The following ATP10D variants were observed in gnomAD, a reference collection of about 807,000 sequenced individuals.
ATP10D encodes phospholipid-transporting ATPase VD.
ATP10D carries 89 observed loss-of-function variants against 144.8 expected under a neutral mutation model. The observed-to-expected ratio is 0.61, with a 90% CI of 0.52 to 0.73. The LOEUF (loss-of-function observed/expected upper bound fraction) is 0.73, where lower values mean the gene tolerates loss of function less well. ATP10D is among the 30% of genes least tolerant of loss of function. The pLI is 0.00. For synonymous variants in ATP10D, 571 were observed against 615.1 expected (o/e 0.93, Z 1.06); for missense variants, 1,603 against 1,714.8 (o/e 0.93, Z 1.15).
At chr4:47,582,580 A>G (rs1269186308) in intron 21 of ATP10D, among the ~76,000 whole-genome samples, 1 of 152,080 alleles carries the variant, frequency 6.6e-6, no homozygotes, top group Non-Finnish European at 1.5e-5. Flanking sequence ...ATTTCCACAT[A>G]TTCGTGGGCT....
At chr4:47,557,598 T>G (rs1298519187) in intron 11 of ATP10D, 66 bp from the exon 12 acceptor site, 8 of 1,426,576 alleles carry the variant, frequency 5.6e-6, no homozygotes, top group Non-Finnish European at 7.4e-6. Context: ...TATTTCCAGT[T>G]TGCCTTCAAA....
intron 5 of ATP10D, among the ~76,000 whole-genome samples, chr4:47,528,150 T>C (rs2109415639): frequency 6.6e-6 from 1 of 152,252 alleles, no homozygotes; most frequent in East Asian, 1.9e-4. Context: ...TACATGGATA[T>C]GTTGTGCAAT....
At chr4:47,529,204 A>G (rs536527749) in intron 5 of ATP10D, among the ~76,000 whole-genome samples, 1 of 152,284 alleles carries the variant, frequency 6.6e-6, no homozygotes, top group Admixed American at 6.5e-5. Context: ...TTAATCATAA[A>G]TTCTTTGGTT....
At chr4:47,563,174 A>G (rs1421268106) in intron 14 of ATP10D, among the ~76,000 whole-genome samples, 1 of 152,204 alleles carries the variant, frequency 6.6e-6, no homozygotes, top group East Asian at 1.9e-4. Context: ...TCACCCCTAC[A>G]CAATATATCA....
chr4:47,578,079 A>T (rs1462582805), intron 19 of ATP10D, among the ~76,000 whole-genome samples: 1 of 152,204 alleles, frequency 6.6e-6, no homozygotes, highest in Non-Finnish European at 1.5e-5. Context: ...GAATCCTCTC[A>T]CCAATCCTTG....
At chr4:47,490,979 C>A (rs1282014260) in intron 1 of ATP10D, 4 of 635,944 alleles carry the variant, frequency 6.3e-6, no homozygotes, top group Non-Finnish European at 1.2e-5. Context: ...TTTGTTAACA[C>A]CTCTGATGCC....
rs771988347 is a variant in ATP10D, at chr4:47,554,715, T to C, written c.1636-11T>C. On this transcript the variant is annotated splice_polypyrimidine_tract_variant and intron_variant, in intron 10 of 22. Coordinates refer to ENST00000273859, the MANE Select transcript of ATP10D (RefSeq NM_020453.4). ...TTCTTATAACAACACACTGTCTTAT[T>C]GGATCTTCAGGAAACAGACGTGGTA... The C allele has an allele frequency of 6.3e-7, 1 of 1,597,984 alleles. No individual in the cohort carries two copies. Among genetic ancestry groups the C allele is most frequent in the Non-Finnish European group, 8.5e-7 (1 of 1,171,328 alleles).
In ATP10D at chr4:47,592,032, C is replaced by G. The variant is rs910075575; in HGVS notation, c.*651C>G. 6.6e-6 allele frequency: 1 copy of G among 152,122 alleles called. No homozygotes were observed. The highest frequency in any genetic ancestry group is 1.5e-5 in the Non-Finnish European group (1 of 67,992). The allele number at this position is 152,122 out of a possible 1,614,324, so 9.4% of individuals were successfully genotyped here. ...ATTTCAATGTTTTCCTGAGGTGGAGCCTTCATTGGAAAGGGGAAAGAGGGA... is the reference window on the plus strand; with the variant it reads ...ATTTCAATGTTTTCCTGAGGTGGAGGCTTCATTGGAAAGGGGAAAGAGGGA... On this transcript the variant is annotated 3_prime_UTR_variant, in exon 23 of 23. Transcript: ENST00000273859.
At chr4:47,493,582 T>A (rs191868872) in intron 1 of ATP10D, among the ~76,000 whole-genome samples, 1 of 152,238 alleles carries the variant, frequency 6.6e-6, no homozygotes, top group Non-Finnish European at 1.5e-5. Context: ...TTTTGACTTA[T>A]GATATTTTCA....
At chr4:47,544,322 T>C (rs529247992) in intron 9 of ATP10D, among the ~76,000 whole-genome samples, 2 of 152,352 alleles carry the variant, frequency 1.3e-5, no homozygotes, top group Non-Finnish European at 1.5e-5. Flanking sequence ...AGAGTCAGTA[T>C]AGCTACAGAG....
intron 16 of ATP10D, among the ~76,000 whole-genome samples, chr4:47,570,565 A>G (rs1184670293): frequency 1.3e-5 from 2 of 152,120 alleles, no homozygotes; most frequent in African/African-American, 4.8e-5. Flanking sequence ...GCACTTTGGG[A>G]GGCTGAGGTG....
At chr4:47,572,843 A>G (rs377514015) in intron 17 of ATP10D, 29 bp from the exon 18 acceptor site, 5 of 1,613,912 alleles carry the variant, frequency 3.1e-6, no homozygotes, top group Admixed American at 3.3e-5. Context: ...ATCACTCAGG[A>G]TGGCATTCTC....
chr4:47,525,439 T>C lies in ATP10D; in HGVS notation c.691-118T>C, dbSNP rs571452797. 2.8e-4 allele frequency: 200 copies of C among 714,628 alleles called. 2 individuals carry two copies. In the Middle Eastern group the frequency reaches 3.0e-3, roughly 11 times the overall value. The allele number at this position is 714,628 out of a possible 1,614,324, so 44.3% of individuals were successfully genotyped here. ...TCCTTCCTTTGGGAAATTCATGATA[T>C]GAACTTCATTGCAAAAAGGCTTAGC... On this transcript the variant is annotated intron_variant, in intron 4 of 22. Transcript: ENST00000273859.
rs1327710692 is a variant in ATP10D, at chr4:47,526,886, C to T, written c.776+1244C>T. Among the ~76,000 whole-genome samples, 3 of 148,550 alleles carry T rather than the reference C, an allele frequency of 2.0e-5. No homozygotes were observed. In the South Asian group the frequency reaches 6.3e-4, roughly 31 times the overall value. On this transcript the variant is annotated intron_variant, in intron 5 of 22. Transcript: ENST00000273859. The stretch of plus-strand genomic sequence containing the variant: ...AGCTACTTAATTGGAAATCAGTTTC[C>T]CCCCAGATTTATCTATAGAGTCAGT...
chr4:47,498,103 C>T (rs1715491093), intron 1 of ATP10D, among the ~76,000 whole-genome samples: 1 of 152,194 alleles, frequency 6.6e-6, no homozygotes, highest in African/African-American at 2.4e-5. Flanking sequence ...CCATTTTCCT[C>T]ATTGGAAAAC....
chr4:47,532,524 C>G (rs190156155), intron 5 of ATP10D, among the ~76,000 whole-genome samples: 1 of 152,300 alleles, frequency 6.6e-6, no homozygotes. Context: ...GAGCTGGCCT[C>G]AGCCATTGGC....
In ATP10D at chr4:47,591,218, G is replaced by A. The variant is rs1427858529; in HGVS notation, c.4118G>A (p.Arg1373Lys). 11 of 1,613,602 alleles carry A rather than the reference G, an allele frequency of 6.8e-6. No individual in the cohort carries two copies. Among genetic ancestry groups the A allele is most frequent in the Non-Finnish European group, 7.6e-6 (9 of 1,179,624 alleles). ...YANQSAGKSG[R>K]RPMPGPSAVF... ...AACCAATCAGCTGGCAAGTCAGGAA[G>A]AAGACCCATGCCTGGCCCTTCTGCT... The change falls in exon 23 of 23, where the codon AGA becomes AAA. Residue 1373 changes from arginine to lysine, a missense_variant. Transcript: ENST00000273859.
chr4:47,586,959 G>T lies in ATP10D; in HGVS notation c.3754-60G>T, dbSNP rs565195980. ...TCTCTTTAATGGAGCAGATTTGTCC[G>T]GGTGGCAATACTGTATCAGTGACAG... is the stretch of plus-strand genomic sequence containing the variant. On this transcript the variant is annotated intron_variant, in intron 21 of 22. Transcript: ENST00000273859. The T allele has an allele frequency of 1.1e-5, 16 of 1,489,088 alleles. 1 individual carries two copies. In the African/African-American group the frequency reaches 1.9e-4, roughly 18 times the overall value. 92.2% of individuals were successfully genotyped at this position (1,489,088 alleles called of 1,614,324 possible). A position where few individuals can be genotyped will look rare whatever the true frequency, so the allele number is the denominator to read the frequency against.
At chr4:47,519,970 T>C (rs975819660) in intron 3 of ATP10D, among the ~76,000 whole-genome samples, 2 of 152,196 alleles carry the variant, frequency 1.3e-5, no homozygotes, top group African/African-American at 2.4e-5. Flanking sequence ...AATTAGCTAG[T>C]GTTTTGTTTT....
Sources: allele counts gnomAD v4.1 joint callset (sites outside exome capture counted in the v4.1 genomes callset), GRCh38; gene constraint gnomAD v4.1.1; transcripts MANE v1.5; gene names NCBI Gene and HGNC (gene_info 2026-07-23, HGNC 2026-07-21).